The following ADAMTSL1 variants were observed in gnomAD, a reference collection of about 807,000 sequenced individuals.
The protein encoded by ADAMTSL1 is ADAMTS-like protein 1.
ADAMTSL1 carries 126 observed loss-of-function variants against 201.8 expected under a neutral mutation model. That is an observed-to-expected ratio of 0.62 (90% CI 0.54 to 0.72). ADAMTSL1 has a LOEUF of 0.72. Ranked by LOEUF, ADAMTSL1 falls within the 30% of genes least tolerant of loss-of-function variation. The pLI, the probability that ADAMTSL1 is intolerant of heterozygous loss-of-function variation, is 0.00. For synonymous variants in ADAMTSL1, 1,121 were observed against 903.4 expected (o/e 1.24, Z -4.32); for missense variants, 2,679 against 2,277.8 (o/e 1.18, Z -3.59).
intron 23 of ADAMTSL1, among the ~76,000 whole-genome samples, chr9:18,873,248 C>T (rs1277106188): frequency 6.6e-6 from 1 of 152,118 alleles, no homozygotes. Flanking sequence ...ACTCTGCGAG[C>T]TTCTGTTTAC....
chr9:18,470,669 T>C (rs972274596), upstream of ADAMTSL1, among the ~76,000 whole-genome samples: 1 of 152,180 alleles, frequency 6.6e-6, no homozygotes, highest in African/African-American at 2.4e-5. Context: ...GAGCAAGACT[T>C]GTAACGAATT....
chr9:18,777,977 A>T, intron 19 of ADAMTSL1, 71 bp downstream of exon 19: 1 of 1,503,790 alleles, frequency 6.6e-7, no homozygotes. Flanking sequence ...CACACTACTT[A>T]CACATTCTTC....
chr9:17,923,001 C>A (rs368240259), intron 1 of ADAMTSL1, among the ~76,000 whole-genome samples: 1 of 152,086 alleles, frequency 6.6e-6, no homozygotes, highest in Admixed American at 6.6e-5. Flanking sequence ...GTCATCATGC[C>A]CCTGGAAGAT....
In ADAMTSL1 at chr9:18,657,650, G is replaced by C; in HGVS notation, c.846G>C (p.Ser282=). 1.9e-6 allele frequency: 3 copies of C among 1,613,984 alleles called. No individual in the cohort carries two copies. The highest frequency in any genetic ancestry group is 2.5e-6 in the Non-Finnish European group (3 of 1,179,882). The change falls in exon 8 of 29, where the codon TCG becomes TCC. Residue 282 remains serine, a synonymous_variant. Transcript: ENST00000380548. The stretch of plus-strand genomic sequence containing the variant: ...GTTGACTCCTGCAGATTCGTAACTC[G>C]GGCTCCGCTGACAGTACAGTCCAGT... The part of the protein sequence containing the change: ...TADFIVKIRN[S]GSADSTVQFI...
At chr9:18,771,261 G>C (rs531972971) in intron 17 of ADAMTSL1, among the ~76,000 whole-genome samples, 1 of 152,314 alleles carries the variant, frequency 6.6e-6, no homozygotes, top group South Asian at 2.1e-4. Context: ...AATCCTGCCT[G>C]TTTACTGTTA....
intron 19 of ADAMTSL1, 67 bp from the exon 20 acceptor site, chr9:18,795,330 C>G (rs1822344395): frequency 5.6e-6 from 9 of 1,597,942 alleles, no homozygotes; most frequent in South Asian, 4.5e-5. Context: ...CCTGCCTTAC[C>G]AATATTGAAT....
intron 2 of ADAMTSL1, among the ~76,000 whole-genome samples, chr9:18,181,774 A>G (rs2132180993): frequency 6.6e-6 from 1 of 151,754 alleles, no homozygotes; most frequent in Non-Finnish European, 1.5e-5. Context: ...TGACCCAGCC[A>G]TCCCATTACT....
intron 1 of ADAMTSL1, among the ~76,000 whole-genome samples, chr9:18,127,516 ACACAC>A (rs771100666): frequency 6.8e-5 from 10 of 147,188 alleles, no homozygotes; most frequent in African/African-American, 1.2e-4. Flanking sequence ...ACACACACAC[ACACAC>A]AACACATGCT....
chr9:18,829,491 G>C (rs991456041), intron 22 of ADAMTSL1, among the ~76,000 whole-genome samples: 2 of 152,196 alleles, frequency 1.3e-5, no homozygotes, highest in Non-Finnish European at 1.5e-5. Context: ...ACTTGGCATA[G>C]TAAATGCTAA....
At position 18,840,785 on chromosome 9, in the gene ADAMTSL1, T is replaced by C. The variant is rs555502939; in HGVS notation, c.4249+10808T>C. ...TAAGTTGGATTCCTAGGTATTTTAT[T>C]CTCTTTGAAGCAATTGTGAATGGGA... On this transcript the variant is annotated intron_variant, in intron 23 of 28. Transcript: ENST00000380548. Among the ~76,000 whole-genome samples the C allele has an allele frequency of 4.9e-3, 737 of 150,060 alleles. 9 individuals are homozygous for C. The highest frequency in any genetic ancestry group is 0.017 in the African/African-American group (685 of 40,984).
chr9:18,439,837 C>T (rs562275628), intron 2 of ADAMTSL1, among the ~76,000 whole-genome samples: 3 of 152,208 alleles, frequency 2.0e-5, no homozygotes, highest in South Asian at 2.1e-4. Context: ...TTCATACAGC[C>T]GTTTGATAGA....
intron 2 of ADAMTSL1, among the ~76,000 whole-genome samples, chr9:18,335,441 T>C (rs1250116693): frequency 1.3e-5 from 2 of 152,064 alleles, no homozygotes; most frequent in Admixed American, 6.6e-5. Flanking sequence ...GATTCCAAAC[T>C]GGGGAGGCAA....
intron 25 of ADAMTSL1, among the ~76,000 whole-genome samples, chr9:18,890,290 C>T (rs953349776): frequency 6.6e-6 from 1 of 152,174 alleles, no homozygotes; most frequent in Non-Finnish European, 1.5e-5. Context: ...TAGCCTCATG[C>T]TCTGCATTTG....
rs748530015 is a variant in ADAMTSL1, at chr9:18,777,378, G to C, written c.3149G>C (p.Arg1050Thr). The C allele has an allele frequency of 6.2e-7, 1 of 1,603,120 alleles. No homozygotes were observed. The highest frequency in any genetic ancestry group is 1.1e-5 in the South Asian group (1 of 89,514). ...TGGGAGGCGCAGGACTCTGCGGAAA[G>C]GAACACGACCTCGGAGGAGGACCCG... ...ASWEAQDSAE[R>T]NTTSEEDPGA... is the part of the protein sequence containing the mutation. The change falls in exon 19 of 29, where the codon AGG becomes ACG. Residue 1050 changes from arginine (R) to threonine (T), a missense_variant. Coordinates refer to ENST00000380548, the MANE Select transcript of ADAMTSL1 (RefSeq NM_001040272.6).
intron 10 of ADAMTSL1, among the ~76,000 whole-genome samples, chr9:18,678,666 C>T (rs1830266741): frequency 6.6e-6 from 1 of 152,084 alleles, no homozygotes; most frequent in Non-Finnish European, 1.5e-5. Flanking sequence ...AAAATGTGCT[C>T]TTTTATAGCA....
At chr9:18,498,813 A>G in intron 1 of ADAMTSL1, among the ~76,000 whole-genome samples, 1 of 152,170 alleles carries the variant, frequency 6.6e-6, no homozygotes, top group African/African-American at 2.4e-5. Flanking sequence ...TAAAATAAGG[A>G]AAAAAAATTC....
intron 1 of ADAMTSL1, among the ~76,000 whole-genome samples, chr9:18,163,392 T>C (rs1276493388): frequency 6.6e-6 from 1 of 152,026 alleles, no homozygotes; most frequent in Non-Finnish European, 1.5e-5. Context: ...AGCACTTGAA[T>C]AGCCCAGGAA....
chr9:18,885,758 A>G (rs1419320763), intron 23 of ADAMTSL1, among the ~76,000 whole-genome samples: 1 of 152,024 alleles, frequency 6.6e-6, no homozygotes, highest in Non-Finnish European at 1.5e-5. Flanking sequence ...AATGAAGGGG[A>G]AAAAAATAAG....
intron 4 of ADAMTSL1, among the ~76,000 whole-genome samples, chr9:18,591,344 C>G (rs1014807936): frequency 2.6e-5 from 4 of 152,124 alleles, no homozygotes; most frequent in Non-Finnish European, 1.5e-5. Context: ...TACTTCTGCT[C>G]TTTTTTGGTT....
Sources: gnomAD v4.1 joint callset for allele counts (sites outside exome capture counted in the v4.1 genomes callset) on GRCh38, gnomAD v4.1.1 for gene constraint, MANE v1.5 for transcripts, NCBI Gene and HGNC (gene_info 2026-07-23, HGNC 2026-07-21) for gene names.